Variants in ANKRD26 observed in about 807,000 individuals in gnomAD.
The protein encoded by ANKRD26 is ankyrin repeat domain-containing protein 26.
In ANKRD26, 141 loss-of-function variants were observed where a neutral mutation model predicts 208.7. That is an observed-to-expected ratio of 0.68 (90% CI 0.59 to 0.78). The LOEUF (loss-of-function observed/expected upper bound fraction) is 0.78. ANKRD26 is among the 30% of genes least tolerant of loss of function. The pLI, the probability that ANKRD26 is intolerant of heterozygous loss-of-function variation, is 0.00. For missense variants in ANKRD26, 1,889 were observed against 1,938.7 expected, an observed-to-expected ratio of 0.97 and a Z score of 0.48; for synonymous variants, 636 against 660.4, an observed-to-expected ratio of 0.96 and a Z score of 0.57.
intron 9 of ANKRD26, among the ~76,000 whole-genome samples, chr10:27,068,884 CAAT>C (rs1195712027): frequency 1.3e-5 from 2 of 149,810 alleles, no homozygotes; most frequent in African/African-American, 4.9e-5. Flanking sequence ...AAGTGAATTG[CAAT>C]AATAAGATAT....
chr10:26,985,860 A>G (rs894893411), intron 3 of ANKRD26, among the ~76,000 whole-genome samples: 6 of 152,194 alleles, frequency 3.9e-5, no homozygotes, highest in African/African-American at 1.4e-4. Flanking sequence ...GGGACAAGGT[A>G]ATTTATAGAT....
rs1194793363 is a variant in ANKRD26, at chr10:27,005,576, T to A, written c.*14A>T. 1 of 1,604,926 alleles carries A rather than the reference T, an allele frequency of 6.2e-7. No individual in the cohort carries two copies. Among genetic ancestry groups the A allele is most frequent in the Non-Finnish European group, 8.5e-7 (1 of 1,172,888 alleles). On this transcript the variant is annotated 3_prime_UTR_variant, in exon 34 of 34. Transcript: ENST00000376087. ...AAATGTCACATAAACAGCCCAGTAA[T>A]AAAATCTTATCTTTCAGATCATATA... is the stretch of plus-strand genomic sequence containing the variant.
chr10:27,005,750 T>A, intron 33 of ANKRD26, 27 bp from the exon 34 acceptor site: 3 of 1,595,572 alleles, frequency 1.9e-6, no homozygotes, highest in Non-Finnish European at 2.6e-6. Flanking sequence ...AGAATTATAT[T>A]CCTTACCTAA....
At chr10:26,953,260 T>C in the ANKRD26 span, among the ~76,000 whole-genome samples, 1 of 152,060 alleles carries the variant, frequency 6.6e-6, no homozygotes, top group East Asian at 1.9e-4. Flanking sequence ...ACCCTGTCTC[T>C]ACAAAAAATA....
chr10:26,977,055 T>C (rs764878653), intron 5 of ANKRD26, among the ~76,000 whole-genome samples: 4 of 152,326 alleles, frequency 2.6e-5, no homozygotes, highest in African/African-American at 9.6e-5. Context: ...CCCCGGAAAC[T>C]TCGATGCTTC....
the ANKRD26 span, among the ~76,000 whole-genome samples, chr10:26,954,966 T>G: frequency 6.7e-6 from 1 of 149,464 alleles, no homozygotes; most frequent in East Asian, 1.9e-4. Context: ...AAGCCATGTA[T>G]TGCCTGGTCT....
Position 27,013,081 on chromosome 10 carries a change from G to A in ANKRD26, c.4754C>T (p.Thr1585Ile). 2 of 1,613,954 alleles carry A rather than the reference G, an allele frequency of 1.2e-6. No individual in the cohort carries two copies. The highest frequency in any genetic ancestry group is 1.7e-6 in the Non-Finnish European group (2 of 1,179,928). Residue 1585 changes from threonine (T) to isoleucine (I), a missense_variant, in exon 32 of 34, where the codon ACC becomes ATC. By Grantham distance (89) the Thr-to-Ile change is moderately conservative. Around this residue, in one of 3 missense-constraint regions of ANKRD26, gnomAD observed 613 missense variants for 648.2 expected, o/e 0.95. Transcript: ENST00000376087. The stretch of plus-strand genomic sequence containing the variant: ...CTGCTGTTTTTCCACAAGAAGTTTG[G>A]TGTTGACCTCTGCTAGCCTCTCATT... ...KTNERLAEVNTKLLVEKQQSR... is the reference protein window; with the variant it reads ...KTNERLAEVNIKLLVEKQQSR...
At chr10:26,976,554 T>C (rs530185703) in intron 5 of ANKRD26, among the ~76,000 whole-genome samples, 1 of 152,222 alleles carries the variant, frequency 6.6e-6, no homozygotes, top group African/African-American at 2.4e-5. Context: ...ACAGCAAACA[T>C]AGGAATAATG....
intron 10 of ANKRD26, 39 bp downstream of exon 10, chr10:27,067,118 T>C (rs2055280354): frequency 3.1e-6 from 5 of 1,604,504 alleles, no homozygotes; most frequent in Non-Finnish European, 4.3e-6. Flanking sequence ...GAATAGAACT[T>C]AAGGATAGAA....
intron 4 of ANKRD26, among the ~76,000 whole-genome samples, chr10:27,091,654 G>T (rs2056302627): frequency 6.6e-6 from 1 of 152,164 alleles, no homozygotes; most frequent in East Asian, 1.9e-4. Flanking sequence ...ATAAGCAGAG[G>T]TTAGAACAAT....
chr10:26,996,357 C>A lies in ANKRD26; in HGVS notation c.563-1210G>T, dbSNP rs142553622. ...CAGGAGGATCACAAGGTCAGGAGATCAAGACCATCCTGGCCAACATGGTGA... is the reference window on the plus strand; with the variant it reads ...CAGGAGGATCACAAGGTCAGGAGATAAAGACCATCCTGGCCAACATGGTGA... On this transcript the variant is annotated intron_variant, in intron 4 of 5. Transcript: ENST00000445828. 2.0e-5 allele frequency among the ~76,000 whole-genome samples: 3 copies of A among 152,210 alleles called. No homozygotes were observed. The South Asian group carries it at 6.2e-4, about 32-fold the overall frequency.
At chr10:27,076,407 C>A (rs915288944) in intron 9 of ANKRD26, among the ~76,000 whole-genome samples, 1 of 151,934 alleles carries the variant, frequency 6.6e-6, no homozygotes, top group African/African-American at 2.4e-5. Flanking sequence ...GGATTACAGG[C>A]ACCCACCACC....
intron 4 of ANKRD26, among the ~76,000 whole-genome samples, chr10:27,089,780 G>C (rs1401498236): frequency 3.3e-5 from 5 of 152,202 alleles, no homozygotes; most frequent in Non-Finnish European, 1.5e-5. Context: ...GACAGAGTGA[G>C]ACCCTGTCTC....
In ANKRD26 at chr10:27,013,063, T is replaced by C. The variant is rs1380122014; in HGVS notation, c.4772A>G (p.Lys1591Arg). The change falls in exon 32 of 34, where the codon AAA becomes AGA. Residue 1591 changes from lysine (K) to arginine (R), a missense_variant. Coordinates refer to ENST00000376087, the MANE Select transcript of ANKRD26 (RefSeq NM_014915.3). ...GGTGAACAAAGATCTGCTCTGCTGTTTTTCCACAAGAAGTTTGGTGTTGAC... is the reference window on the plus strand; with the variant it reads ...GGTGAACAAAGATCTGCTCTGCTGTCTTTCCACAAGAAGTTTGGTGTTGAC... The part of the protein sequence containing the change: ...AEVNTKLLVE[K>R]QQSRSLFTTL... 6.2e-7 allele frequency: 1 copy of C among 1,613,898 alleles called. No individual in the cohort carries two copies. The highest frequency in any genetic ancestry group is 1.3e-5 in the African/African-American group (1 of 74,922).
At chr10:27,058,540 T>C (rs1336067798) in intron 15 of ANKRD26, among the ~76,000 whole-genome samples, 1 of 152,144 alleles carries the variant, frequency 6.6e-6, no homozygotes, top group Non-Finnish European at 1.5e-5. Flanking sequence ...TTTCTCCTCA[T>C]TGGTAAGCAT....
At chr10:27,000,960 A>T (rs745365115), downstream of ANKRD26, among the ~76,000 whole-genome samples, 49 of 152,352 alleles carry the variant, frequency 3.2e-4, no homozygotes, top group Admixed American at 1.0e-3. Context: ...GTGAGCCAAG[A>T]TCACGCCACT....
Position 27,091,148 on chromosome 10 carries a change from C to T in ANKRD26, c.638+1258G>A, listed in dbSNP as rs140770142. ...ATAATAGGAGTCACAGTAGTTTCAG[C>T]CAATGATGCTGATAAGCGTGGGCTA... On this transcript the variant is annotated intron_variant, in intron 4 of 33. Transcript: ENST00000376087. Among the ~76,000 whole-genome samples the T allele has an allele frequency of 4.6e-3, 705 of 152,188 alleles. 4 individuals are homozygous for T. The highest frequency in any genetic ancestry group is 0.016 in the African/African-American group (661 of 41,536).
chr10:27,025,660 C>A (rs2053636560), intron 27 of ANKRD26, among the ~76,000 whole-genome samples: 1 of 152,194 alleles, frequency 6.6e-6, no homozygotes, highest in Non-Finnish European at 1.5e-5. Context: ...TGACCATACC[C>A]TCCCCTAGGC....
downstream of ANKRD26, among the ~76,000 whole-genome samples, chr10:26,972,044 G>A (rs973921604): frequency 3.9e-5 from 6 of 152,028 alleles, no homozygotes; most frequent in Non-Finnish European, 8.8e-5. Context: ...GACCATCCTG[G>A]CTAACACGGT....
Sources: allele counts gnomAD v4.1 joint callset (sites outside exome capture counted in the v4.1 genomes callset), GRCh38; gene constraint gnomAD v4.1.1; regional missense constraint gnomAD v4.1.1; transcripts MANE v1.5; gene names NCBI Gene and HGNC (gene_info 2026-07-23, HGNC 2026-07-21).